The following LDLRAD4 variants were observed in gnomAD, a reference collection of about 807,000 sequenced individuals.
The protein encoded by LDLRAD4 is low density lipoprotein receptor class A domain containing 4.
LDLRAD4 carries 5 observed loss-of-function variants against 17.0 expected under a neutral mutation model. The observed-to-expected ratio is 0.29, with a 90% CI of 0.15 to 0.62. LDLRAD4 has a LOEUF of 0.62. Ranked by LOEUF, LDLRAD4 falls within the 20% of genes least tolerant of loss-of-function variation. The pLI is 0.84. For synonymous variants in LDLRAD4, 168 were observed against 171.8 expected (o/e 0.98, Z 0.17); for missense variants, 340 against 424.7 (o/e 0.80, Z 1.75).
At chr18:13,219,594 A>G (rs1017356966) in intron 1 of LDLRAD4, among the ~76,000 whole-genome samples, 1 of 152,182 alleles carries the variant, frequency 6.6e-6, no homozygotes, top group African/African-American at 2.4e-5. Context: ...TCTGAGCGCT[A>G]GTATTAGTAA....
chr18:13,631,851 C>T (rs181632196), intron 4 of LDLRAD4, among the ~76,000 whole-genome samples: 70 of 152,180 alleles, frequency 4.6e-4, no homozygotes, highest in East Asian at 3.3e-3. Flanking sequence ...CACTTGACCC[C>T]GGGAGGCGGA....
chr18:13,365,380 A>G (rs540034747), intron 1 of LDLRAD4, among the ~76,000 whole-genome samples: 2 of 152,370 alleles, frequency 1.3e-5, no homozygotes, highest in South Asian at 2.1e-4. Context: ...AGGATGAACC[A>G]AGACAGCTGA....
chr18:13,345,438 G>C (rs2144198153), intron 1 of LDLRAD4, among the ~76,000 whole-genome samples: 3 of 152,296 alleles, frequency 2.0e-5, no homozygotes, highest in African/African-American at 7.2e-5. Context: ...AAGCCCACTT[G>C]ATCATGGTGG....
intron 2 of LDLRAD4, among the ~76,000 whole-genome samples, chr18:13,429,626 T>TA (rs1434829992): frequency 6.6e-6 from 1 of 152,246 alleles, no homozygotes; most frequent in Non-Finnish European, 1.5e-5. Context: ...TCACTGATCA[T>TA]AAGAATCGAA....
chr18:13,428,570 CTCTTA>C (rs2090109091), intron 2 of LDLRAD4, among the ~76,000 whole-genome samples: 1 of 152,090 alleles, frequency 6.6e-6, no homozygotes, highest in Admixed American at 6.5e-5. Context: ...CCTGACTGCT[CTCTTA>C]TGAGTAAACC....
chr18:13,469,874 G>A (rs763814389), intron 3 of LDLRAD4, among the ~76,000 whole-genome samples: 1 of 152,196 alleles, frequency 6.6e-6, no homozygotes, highest in Non-Finnish European at 1.5e-5. Flanking sequence ...TGAAGAGGGA[G>A]GATTCTTTGA....
chr18:13,470,183 A>C (rs1247798071), intron 3 of LDLRAD4, among the ~76,000 whole-genome samples: 1 of 152,150 alleles, frequency 6.6e-6, no homozygotes, highest in Non-Finnish European at 1.5e-5. Context: ...AGGGGTGCAC[A>C]TGCAGACCTT....
intron 1 of LDLRAD4, among the ~76,000 whole-genome samples, chr18:13,344,145 G>C (rs992144386): frequency 1.3e-5 from 2 of 152,220 alleles, no homozygotes. Flanking sequence ...TTTTAAACAT[G>C]AAGTCCTTGC....
At chr18:13,599,193 G>GT (rs768638578) in intron 3 of LDLRAD4, among the ~76,000 whole-genome samples, 1 of 152,068 alleles carries the variant, frequency 6.6e-6, no homozygotes, top group Non-Finnish European at 1.5e-5. Flanking sequence ...GGAAACTCTT[G>GT]TTTTTTTGCC....
At chr18:13,302,770 T>C (rs1241029135) in intron 1 of LDLRAD4, among the ~76,000 whole-genome samples, 1 of 152,260 alleles carries the variant, frequency 6.6e-6, no homozygotes, top group Non-Finnish European at 1.5e-5. Context: ...TATGCAGTTA[T>C]GGTACATGCA....
rs181226192 is a variant in LDLRAD4 at position 13,645,017 on chromosome 18, T to A, written c.391-110T>A. On this transcript the variant is annotated intron_variant, in intron 5 of 5. Coordinates refer to ENST00000359446, the Ensembl canonical transcript of LDLRAD4. The surrounding 1 kb of genome is among the most constrained non-coding windows in gnomAD (Gnocchi z 5.7). ...TCTTTTTTTTTTTCCTGGGAGATGG[T>A]GTTCAAACTGGTAGGAACACACACC... 2.4e-6 allele frequency: 2 copies of A among 825,170 alleles called. No individual in the cohort carries two copies. Among genetic ancestry groups the A allele is most frequent in the African/African-American group, 3.4e-5 (2 of 58,226 alleles). The allele number at this position is 825,170 out of a possible 1,614,324, so 51.1% of individuals were successfully genotyped here. A position where few individuals can be genotyped will look rare whatever the true frequency, so the allele number is the denominator to read the frequency against.
chr18:13,634,613 C>CT (rs2148914506), intron 4 of LDLRAD4, among the ~76,000 whole-genome samples: 1 of 152,180 alleles, frequency 6.6e-6, no homozygotes, highest in Non-Finnish European at 1.5e-5. Flanking sequence ...AATTGGAAGA[C>CT]TTAACTATTT....
chr18:13,272,607 C>T (rs2044629154), intron 1 of LDLRAD4, among the ~76,000 whole-genome samples: 1 of 152,226 alleles, frequency 6.6e-6, no homozygotes, highest in African/African-American at 2.4e-5. Context: ...CGTATGTGTT[C>T]CTCGAATCTG....
intron 3 of LDLRAD4, among the ~76,000 whole-genome samples, chr18:13,550,203 G>A (rs2094417441): frequency 6.6e-6 from 1 of 152,126 alleles, no homozygotes; most frequent in Non-Finnish European, 1.5e-5. Context: ...CCACCAAAAT[G>A]TTATAGTGGT....
chr18:13,255,531 G>A (rs1421720676), intron 1 of LDLRAD4, among the ~76,000 whole-genome samples: 1 of 152,214 alleles, frequency 6.6e-6, no homozygotes, highest in African/African-American at 2.4e-5. Flanking sequence ...AGGCATGTGT[G>A]AACATATGTG....
At chr18:13,400,430 T>C (rs2087075061) in intron 2 of LDLRAD4, among the ~76,000 whole-genome samples, 1 of 152,134 alleles carries the variant, frequency 6.6e-6, no homozygotes. Context: ...GGGGTGAGGG[T>C]AGGCCCACCT....
intron 1 of LDLRAD4, among the ~76,000 whole-genome samples, chr18:13,381,943 G>A (rs1442874659): frequency 1.3e-5 from 2 of 152,130 alleles, no homozygotes; most frequent in African/African-American, 4.8e-5. Flanking sequence ...TCTTTGGTTG[G>A]CAGCGTTCCT....
At chr18:13,616,682 G>A (rs1377195070) in intron 3 of LDLRAD4, among the ~76,000 whole-genome samples, 1 of 152,212 alleles carries the variant, frequency 6.6e-6, no homozygotes, top group Non-Finnish European at 1.5e-5. Flanking sequence ...GAGGATGGTG[G>A]TCTCTGGGAC....
chr18:13,580,988 T>C (rs1404484053), intron 3 of LDLRAD4, among the ~76,000 whole-genome samples: 1 of 152,246 alleles, frequency 6.6e-6, no homozygotes, highest in Non-Finnish European at 1.5e-5. Context: ...GTATCCAAAA[T>C]GCTTGGGACC....
Sources: allele counts gnomAD v4.1 joint callset (sites outside exome capture counted in the v4.1 genomes callset), GRCh38; gene constraint gnomAD v4.1.1; non-coding constraint Gnocchi (gnomAD v3.1); transcripts MANE v1.5; gene names NCBI Gene and HGNC (gene_info 2026-07-23, HGNC 2026-07-21).